Variants in MTMR7 observed in about 807,000 individuals in gnomAD.
MTMR7 encodes myotubularin related protein 7.
Under a neutral mutation model 81.2 loss-of-function variants are expected in MTMR7, and 76 were observed. The observed-to-expected ratio is 0.94, with a 90% confidence interval of 0.78 to 1.13. The LOEUF is 1.13. Ranked by LOEUF, MTMR7 falls within the 50% of genes most tolerant of loss-of-function variation. The pLI is 0.00. For synonymous variants in MTMR7, 372 were observed against 289.8 expected (o/e 1.28, Z -2.88); for missense variants, 1,044 against 820.0 (o/e 1.27, Z -3.34).
intron 7 of MTMR7, among the ~76,000 whole-genome samples, chr8:17,317,219 G>C (rs778938479): frequency 1.3e-5 from 2 of 152,188 alleles, no homozygotes; most frequent in Non-Finnish European, 2.9e-5. Context: ...TCACATGTAA[G>C]AGCAAGACAC....
intron 2 of MTMR7, among the ~76,000 whole-genome samples, chr8:17,371,639 G>T (rs17631502): frequency 6.6e-6 from 1 of 152,156 alleles, no homozygotes; most frequent in Non-Finnish European, 1.5e-5. Flanking sequence ...TTCGAGTTCT[G>T]TATCAACATG....
intron 4 of MTMR7, among the ~76,000 whole-genome samples, chr8:17,351,412 G>GA (rs746367642): frequency 6.6e-6 from 1 of 152,172 alleles, no homozygotes; most frequent in Non-Finnish European, 1.5e-5. Context: ...ACCAAACAGA[G>GA]AAAATCAACA....
intron 3 of MTMR7, among the ~76,000 whole-genome samples, chr8:17,369,641 C>CTTTTTTTTTT (rs71212689): frequency 8.3e-4 from 88 of 106,222 alleles, no homozygotes; most frequent in Non-Finnish European, 1.2e-3. Context: ...TTCTTTTTTT[C>CTTTTTTTTTT]TTTTTTTTTT....
chr8:17,355,080 C>T (rs1348278564), intron 4 of MTMR7, among the ~76,000 whole-genome samples: 3 of 152,188 alleles, frequency 2.0e-5, no homozygotes, highest in African/African-American at 2.4e-5. Context: ...CATGTTTATG[C>T]GCTAATTCTA....
intron 1 of MTMR7, among the ~76,000 whole-genome samples, chr8:17,410,147 A>AT (rs920818907): frequency 9.9e-5 from 15 of 151,956 alleles, no homozygotes; most frequent in Non-Finnish European, 2.1e-4. Flanking sequence ...AGAGCAAAAA[A>AT]AAATAAATCA....
At chr8:17,302,301 T>A (rs1203736260) in intron 12 of MTMR7, 21 bp from the exon 13 acceptor site, 2 of 1,610,996 alleles carry the variant, frequency 1.2e-6, no homozygotes, top group African/African-American at 2.7e-5. Context: ...TGGCAAAGCG[T>A]CGTGATACCA....
chr8:17,403,891 T>C (rs963204663), intron 1 of MTMR7, among the ~76,000 whole-genome samples: 5 of 152,238 alleles, frequency 3.3e-5, no homozygotes, highest in African/African-American at 9.6e-5. Flanking sequence ...TTGGCATACA[T>C]GAACGCTACT....
chr8:17,302,274 C>T lies in MTMR7; in HGVS notation c.1500G>A (p.Trp500Ter). The part of the protein sequence containing the change: ...TTPCNFMYKF[W>*]SGMYNRFEKG... ...TTTCAAAGCGGTTATACATTCCACT[C>T]CAAAACCTGGAAAGGATGGCAAAGC... Residue 500 changes from tryptophan (W) to a stop codon, truncating the protein, a stop_gained, in exon 13 of 14, where the codon TGG (tryptophan) becomes TGA (stop). Transcript: ENST00000180173. LOFTEE classifies it high-confidence loss of function. The T allele has an allele frequency of 6.2e-7, 1 of 1,612,850 alleles. No individual in the cohort carries two copies. Among genetic ancestry groups the T allele is most frequent in the Non-Finnish European group, 8.5e-7 (1 of 1,179,554 alleles).
At chr8:17,384,174 G>A (rs1820853666) in intron 1 of MTMR7, among the ~76,000 whole-genome samples, 1 of 152,136 alleles carries the variant, frequency 6.6e-6, no homozygotes. Context: ...ACTTTAGGAG[G>A]CTGAGGCAGG....
At chr8:17,379,738 G>A (rs892357160) in intron 1 of MTMR7, among the ~76,000 whole-genome samples, 1 of 152,034 alleles carries the variant, frequency 6.6e-6, no homozygotes, top group African/African-American at 2.4e-5. Flanking sequence ...TTAGTCTTTT[G>A]GGAAAAATGC....
chr8:17,394,692 A>G (rs959791077), intron 1 of MTMR7, among the ~76,000 whole-genome samples: 2 of 152,208 alleles, frequency 1.3e-5, no homozygotes, highest in Non-Finnish European at 2.9e-5. Context: ...TATAATATGT[A>G]AATATGTTAG....
chr8:17,391,792 G>C (rs533455536), intron 1 of MTMR7, among the ~76,000 whole-genome samples: 2 of 152,278 alleles, frequency 1.3e-5, no homozygotes, highest in East Asian at 3.9e-4. Flanking sequence ...AAATGAAAAA[G>C]AGGAGAAAAG....
rs775648537 is a variant in MTMR7, at chr8:17,299,920, G to A, written c.1925C>T (p.Pro642Leu). Residue 642 changes from proline to leucine, a missense_variant, in exon 14 of 14, where the codon CCG becomes CTG. By Grantham distance (98) the Pro-to-Leu change is moderately conservative. Transcript: ENST00000180173. ...CRSPSGGEHA[P>L]SEDSGKDRDS... ...CCGGTCCTTGCCACTATCTTCACTCGGTGCATGCTCACCACCACTTGGAGA... is the reference window on the plus strand; with the variant it reads ...CCGGTCCTTGCCACTATCTTCACTCAGTGCATGCTCACCACCACTTGGAGA... 34 of 1,613,948 alleles carry A rather than the reference G, an allele frequency of 2.1e-5. No individual in the cohort carries two copies. The South Asian group carries it at 3.1e-4, about 15-fold the overall frequency.
intron 7 of MTMR7, 119 bp downstream of exon 7, chr8:17,331,031 T>C: frequency 1.6e-6 from 2 of 1,216,738 alleles, no homozygotes; most frequent in South Asian, 1.5e-5. Context: ...TGTAACATGA[T>C]ATTCTTCCCA....
intron 3 of MTMR7, among the ~76,000 whole-genome samples, chr8:17,362,477 T>C (rs1820089077): frequency 6.6e-6 from 1 of 152,312 alleles, no homozygotes; most frequent in South Asian, 2.1e-4. Flanking sequence ...TAGGCAACAT[T>C]GATGGTCCTC....
Position 17,375,480 on chromosome 8 carries a change from G to GTTTTT in MTMR7, c.25-2245_25-2241dup, listed in dbSNP as rs372246791. 5.8e-3 allele frequency among the ~76,000 whole-genome samples: 793 copies of GTTTTT among 136,610 alleles called. 8 individuals carry two copies. Among genetic ancestry groups the GTTTTT allele is most frequent in the African/African-American group, 0.02 (734 of 36,612 alleles). The allele number at this position is 136,610 out of a possible 152,430, so 89.6% of individuals were successfully genotyped here. On this transcript the variant is annotated intron_variant, in intron 1 of 13. Coordinates refer to ENST00000180173, the MANE Select transcript of MTMR7 (RefSeq NM_004686.5). ...CAGTGCCCTTCACCTACTAGCTTAT[G>GTTTTT]TTTTTTTTTTTTTTTTACAAGAATT...
chr8:17,324,284 T>C (rs1164120222), intron 7 of MTMR7, among the ~76,000 whole-genome samples: 1 of 152,218 alleles, frequency 6.6e-6, no homozygotes. Flanking sequence ...CTGCGATAAA[T>C]GTCCCGGCTC....
At position 17,361,151 on chromosome 8, in the gene MTMR7, T is replaced by C. The variant is rs201283564; in HGVS notation, c.434A>G (p.Tyr145Cys). The C allele has an allele frequency of 6.2e-6, 10 of 1,614,070 alleles. No individual in the cohort carries two copies. The highest frequency in any genetic ancestry group is 5.3e-5 in the African/African-American group (4 of 74,936). ...TCTATTCACATCGCTGAGCTGCCAG[T>C]AATGATTAGGGAGGCCCATCCGCGT... ...EYTRMGLPNH[Y>C]WQLSDVNRDY... Residue 145 changes from tyrosine to cysteine, a missense_variant, in exon 4 of 14, where the codon TAC becomes TGC. Transcript: ENST00000180173.
At chr8:17,412,909 ACT>A (rs1821774543) in intron 1 of MTMR7, among the ~76,000 whole-genome samples, 1 of 151,974 alleles carries the variant, frequency 6.6e-6, no homozygotes, top group Non-Finnish European at 1.5e-5. Flanking sequence ...CCTTTCAACT[ACT>A]CTGAGCGGCC....
Sources: allele counts gnomAD v4.1 joint callset (sites outside exome capture counted in the v4.1 genomes callset), GRCh38; gene constraint gnomAD v4.1.1; transcripts MANE v1.5; gene names NCBI Gene and HGNC (gene_info 2026-07-23, HGNC 2026-07-21).